SUGCT: variants seen among roughly 807,000 people sequenced by gnomAD.
SUGCT encodes the protein succinyl-CoA:glutarate CoA-transferase.
Under a neutral mutation model 55.0 loss-of-function variants are expected in SUGCT, and 41 were observed. The ratio of observed to expected loss-of-function variants is 0.74; its 90% CI spans 0.58 to 0.97. The LOEUF is 0.97. Ranked by LOEUF, SUGCT falls within the 50% of genes least tolerant of loss-of-function variation. The pLI is 0.00. For missense variants in SUGCT, 568 were observed against 547.8 expected (o/e 1.04, Z -0.37); for synonymous variants, 187 against 200.4 (o/e 0.93, Z 0.56).
chr7:40,641,549 T>G (rs958370417), intron 12 of SUGCT, among the ~76,000 whole-genome samples: 5 of 152,156 alleles, frequency 3.3e-5, no homozygotes, highest in Admixed American at 1.3e-4. Flanking sequence ...TAATTTTCCT[T>G]ACTTTGGCAA....
intron 7 of SUGCT, among the ~76,000 whole-genome samples, chr7:40,247,889 T>C (rs547236914): frequency 1.1e-3 from 162 of 152,282 alleles, no homozygotes; most frequent in African/African-American, 3.7e-3. Context: ...GTCAAATTAG[T>C]TAATTTATTT....
intron 12 of SUGCT, chr7:40,539,485 C>T (rs902584946): frequency 1.4e-5 from 2 of 146,002 alleles, no homozygotes; most frequent in African/African-American, 4.9e-5. Context: ...TCTGAGATTT[C>T]TAGCAGCAAG....
At chr7:40,154,618 C>T (rs1694457784) in intron 1 of SUGCT, among the ~76,000 whole-genome samples, 1 of 152,048 alleles carries the variant, frequency 6.6e-6, no homozygotes, top group Non-Finnish European at 1.5e-5. Flanking sequence ...GTGTGAGCCA[C>T]AACACCTGAC....
At chr7:40,627,365 T>C (rs1799570252) in intron 12 of SUGCT, among the ~76,000 whole-genome samples, 3 of 152,182 alleles carry the variant, frequency 2.0e-5, no homozygotes, top group African/African-American at 7.2e-5. Context: ...TTGGTGTTCA[T>C]CCCATGTAAA....
intron 1 of SUGCT, among the ~76,000 whole-genome samples, chr7:40,171,499 G>C (rs191608386): frequency 6.6e-6 from 1 of 152,210 alleles, no homozygotes; most frequent in East Asian, 1.9e-4. Flanking sequence ...TAAATCCCCT[G>C]TTAGGAAATC....
intron 12 of SUGCT, among the ~76,000 whole-genome samples, chr7:40,547,202 A>C (rs1172664350): frequency 6.6e-6 from 1 of 152,148 alleles, no homozygotes; most frequent in Non-Finnish European, 1.5e-5. Context: ...CAACTCAAAC[A>C]GCGAGGCAAG....
intron 12 of SUGCT, among the ~76,000 whole-genome samples, chr7:40,589,364 G>T (rs1269508348): frequency 6.6e-6 from 1 of 152,074 alleles, no homozygotes; most frequent in Non-Finnish European, 1.5e-5. Flanking sequence ...AAAGATTAAG[G>T]CACCAGCATC....
At chr7:40,722,435 T>A (rs1252078601) in intron 12 of SUGCT, among the ~76,000 whole-genome samples, 1 of 152,190 alleles carries the variant, frequency 6.6e-6, no homozygotes, top group Non-Finnish European at 1.5e-5. Flanking sequence ...TGTGACGATA[T>A]AGTTCATTTA....
chr7:40,279,677 A>G (rs190626093), intron 8 of SUGCT, among the ~76,000 whole-genome samples: 64 of 152,292 alleles, frequency 4.2e-4, no homozygotes, highest in Non-Finnish European at 7.6e-4. Flanking sequence ...ATAACGTTTC[A>G]TAATAGATAA....
intron 12 of SUGCT, among the ~76,000 whole-genome samples, chr7:40,634,504 A>G (rs1161809698): frequency 6.6e-6 from 1 of 152,198 alleles, no homozygotes; most frequent in African/African-American, 2.4e-5. Flanking sequence ...CCGGACTTCT[A>G]CTATAAGACC....
At chr7:40,568,180 C>G (rs1456237436) in intron 12 of SUGCT, among the ~76,000 whole-genome samples, 1 of 152,224 alleles carries the variant, frequency 6.6e-6, no homozygotes, top group East Asian at 1.9e-4. Flanking sequence ...AACGGAGAAG[C>G]AAAAAATTTG....
At chr7:40,890,100 G>T in the SUGCT span, among the ~76,000 whole-genome samples, 1 of 151,288 alleles carries the variant, frequency 6.6e-6, no homozygotes. Context: ...TGTGTGGGTT[G>T]CCATATGGGG....
At chr7:40,244,537 G>A (rs1260003468) in intron 7 of SUGCT, among the ~76,000 whole-genome samples, 1 of 152,194 alleles carries the variant, frequency 6.6e-6, no homozygotes, top group Non-Finnish European at 1.5e-5. Flanking sequence ...CAGAAGGGGA[G>A]TGATATGATG....
intron 12 of SUGCT, among the ~76,000 whole-genome samples, chr7:40,512,766 C>T (rs1474138298): frequency 1.3e-5 from 2 of 151,838 alleles, no homozygotes; most frequent in African/African-American, 2.4e-5. Context: ...TGTGAAACTG[C>T]TGGGGAAATA....
At position 40,215,634 on chromosome 7, in the gene SUGCT, G is replaced by A. The variant is rs562148644; in HGVS notation, c.484+20574G>A. Among the ~76,000 whole-genome samples, 23 of 151,892 alleles carry A rather than the reference G, an allele frequency of 1.5e-4. 1 individual carries two copies. Among genetic ancestry groups the A allele is most frequent in the East Asian group, 1.4e-3 (7 of 5,128 alleles). On this transcript the variant is annotated intron_variant, in intron 6 of 13. Transcript: ENST00000335693. ...TCCCAGCACTTTGGGAGGCTGAGGC[G>A]GGTGGATCACGAGGTCAGGAGATCG...
intron 6 of SUGCT, among the ~76,000 whole-genome samples, chr7:40,232,851 C>G (rs746717906): frequency 3.3e-5 from 5 of 152,100 alleles, no homozygotes; most frequent in Non-Finnish European, 7.3e-5. Flanking sequence ...TTTCTTAGCT[C>G]TTTACTTGAA....
At chr7:40,666,883 C>T (rs1801670536) in intron 12 of SUGCT, among the ~76,000 whole-genome samples, 1 of 152,014 alleles carries the variant, frequency 6.6e-6, no homozygotes, top group Non-Finnish European at 1.5e-5. Flanking sequence ...CATGGGAGCA[C>T]TTTGCGAGGC....
chr7:40,135,098 GTGGAC>G lies in SUGCT; in HGVS notation c.82_86del (p.Thr28ProfsTer50). On this transcript the variant is annotated frameshift_variant, in exon 1 of 14. Coordinates refer to ENST00000335693, the MANE Select transcript of SUGCT (RefSeq NM_001193313.2). LOFTEE classifies it high-confidence loss of function. ...CCGGCCGGGGCGGCGGGAGGGGGCTGTGGACTGGCCGCCCGCAGTCAGGTACCCTC... is the reference window on the plus strand; with the variant it reads ...CCGGCCGGGGCGGCGGGAGGGGGCTGTGGCCGCCCGCAGTCAGGTACCCTC... 6.4e-7 allele frequency: 1 copy of G among 1,557,794 alleles called. No individual in the cohort carries two copies. Among genetic ancestry groups the G allele is most frequent in the Non-Finnish European group, 8.7e-7 (1 of 1,151,938 alleles).
intron 12 of SUGCT, among the ~76,000 whole-genome samples, chr7:40,567,561 G>A (rs1796215505): frequency 6.6e-6 from 1 of 152,124 alleles, no homozygotes; most frequent in Admixed American, 6.5e-5. Flanking sequence ...ATTTCAATGT[G>A]GACCTCATCC....
Sources: allele counts gnomAD v4.1 joint callset (sites outside exome capture counted in the v4.1 genomes callset), GRCh38; gene constraint gnomAD v4.1.1; transcripts MANE v1.5; gene names NCBI Gene and HGNC (gene_info 2026-07-23, HGNC 2026-07-21).